PRAMEF14: variants seen among roughly 807,000 people sequenced by gnomAD.
The protein encoded by PRAMEF14 is PRAME family member 14.
In PRAMEF14, 24 loss-of-function variants were observed where a neutral mutation model predicts 38.3. That is an observed-to-expected ratio of 0.63 (90% CI 0.45 to 0.88). The LOEUF (loss-of-function observed/expected upper bound fraction) is 0.88. Ranked by LOEUF, PRAMEF14 falls within the 40% of genes least tolerant of loss-of-function variation. PRAMEF14 has a pLI of 0.00. For synonymous variants in PRAMEF14, 194 were observed against 226.4 expected (o/e 0.86, Z 1.29); for missense variants, 477 against 570.8 (o/e 0.84, Z 1.67).
Position 13,342,518 on chromosome 1 carries a change from C to A in PRAMEF14, c.*10G>T. On this transcript the variant is annotated 3_prime_UTR_variant, in exon 4 of 4. Transcript: ENST00000334600. Reference sequence around the variant, plus strand: ...CTTTGGATTTCTCTACCCCGCTAGGCACGCCTTCCCTAGCAGCAAAGATGG... The same window carrying A: ...CTTTGGATTTCTCTACCCCGCTAGGAACGCCTTCCCTAGCAGCAAAGATGG... 6.2e-7 allele frequency: 1 copy of A among 1,604,920 alleles called. No individual in the cohort carries two copies.
Position 13,347,037 on chromosome 1 carries a change from C to T in PRAMEF14, c.-26+20G>A, listed in dbSNP as rs1451978568. ...GGCTGCTGATCAGATGGGCATGACC[C>T]TAAGAAGGTGGTGACTTACCAGCGC... is the stretch of plus-strand genomic sequence containing the variant. On this transcript the variant is annotated intron_variant, in intron 1 of 3. Transcript: ENST00000334600. The T allele has an allele frequency of 6.7e-6, 1 of 150,204 alleles. No individual in the cohort carries two copies. Among genetic ancestry groups the T allele is most frequent in the African/African-American group, 2.4e-5 (1 of 41,120 alleles). 9.3% of individuals were successfully genotyped at this position (150,204 alleles called of 1,614,324 possible). A position where few individuals can be genotyped will look rare whatever the true frequency, so the allele number is the denominator to read the frequency against.
intron 1 of PRAMEF14, 155 bp from the exon 2 acceptor site, chr1:13,345,494 C>T (rs1640390077): frequency 2.6e-6 from 2 of 764,612 alleles, no homozygotes; most frequent in Non-Finnish European, 3.2e-6. Flanking sequence ...CCACTGAATC[C>T]CAGAACCACC....
chr1:13,342,798 G>C lies in PRAMEF14; in HGVS notation c.1155C>G (p.Gly385=). Residue 385 remains glycine, a synonymous_variant, in exon 4 of 4, where the codon GGC becomes GGG. Coordinates refer to ENST00000334600, the MANE Select transcript of PRAMEF14 (RefSeq NM_001024661.2). ...GGGCACCCATAGACATACAATTTCT[G>C]CCAAAGTAGAAGGTGGTGAGCTGGG... The part of the protein sequence containing the change: ...HCSQLTTFYF[G]RNCMSMGALK... 6.2e-7 allele frequency: 1 copy of C among 1,606,558 alleles called. No homozygotes were observed. The highest frequency in any genetic ancestry group is 1.7e-5 in the Admixed American group (1 of 59,848).
rs1640387390 is a variant in PRAMEF14 at position 13,345,303 on chromosome 1, C to T, written c.12G>A (p.Gln4=). 1 of 1,606,556 alleles carries T rather than the reference C, an allele frequency of 6.2e-7. No homozygotes were observed. Among genetic ancestry groups the T allele is most frequent in the African/African-American group, 1.3e-5 (1 of 74,678 alleles). The change falls in exon 2 of 4, where the codon CAG becomes CAA. Residue 4 remains glutamine, a synonymous_variant. Transcript: ENST00000334600. MSI[Q]APPRLLELAG... is the part of the protein sequence containing the mutation. ...CCAGCTCCAGGAGTCTGGGTGGGGC[C>T]TGGATGCTCATCCTGATAGATCTGC...
In PRAMEF14 at chr1:13,344,266, C is replaced by G; in HGVS notation, c.638G>C (p.Arg213Pro). ...YLNSIQQLEI[R>P]NMSWPRLIRK... ...TATCAGACGTGGCCAGGACATGTTG[C>G]GAATTTCCAGCTGTTGAATACTATT... The change falls in exon 3 of 4, where the codon CGC becomes CCC. Residue 213 changes from arginine to proline, a missense_variant. Arg to Pro is a moderately radical substitution (Grantham distance 103). Around this residue, in one of 4 missense-constraint regions of PRAMEF14, gnomAD observed 234 missense variants for 247.4 expected, o/e 0.95. Transcript: ENST00000334600. 1.9e-6 allele frequency: 3 copies of G among 1,602,562 alleles called. No homozygotes were observed. The highest frequency in any genetic ancestry group is 2.2e-5 in the South Asian group (2 of 90,406).
At position 13,343,014 on chromosome 1, in the gene PRAMEF14, G is replaced by A; in HGVS notation, c.939C>T (p.Leu313=). Residue 313 remains leucine, a synonymous_variant, in exon 4 of 4, where the codon CTC becomes CTT. Coordinates refer to ENST00000334600, the MANE Select transcript of PRAMEF14 (RefSeq NM_001024661.2). ...GGTAACCGAGGCTTGGGTACTGGGA[G>A]AGACACTTCATGTCTTCTTCCAATA... ...GYLLEEDMKC[L]SQYPSLGYLK... The A allele has an allele frequency of 6.2e-7, 1 of 1,612,014 alleles. No individual in the cohort carries two copies. Among genetic ancestry groups the A allele is most frequent in the Non-Finnish European group, 8.5e-7 (1 of 1,179,364 alleles).
In PRAMEF14 at chr1:13,345,331, G is replaced by A; in HGVS notation, c.-17C>T. The A allele has an allele frequency of 6.2e-7, 1 of 1,603,818 alleles. No homozygotes were observed. The highest frequency in any genetic ancestry group is 1.1e-5 in the South Asian group (1 of 90,404). ...GATGCTCATCCTGATAGATCTGCAA[G>A]AAAAATCTCTAGAAGACAAATCCAG... On this transcript the variant is annotated 5_prime_UTR_variant, in exon 2 of 4. Transcript: ENST00000334600.
At chr1:13,346,559 T>C (rs1287251152) in intron 1 of PRAMEF14, among the ~76,000 whole-genome samples, 1 of 149,552 alleles carries the variant, frequency 6.7e-6, no homozygotes, top group Non-Finnish European at 1.5e-5. Context: ...AACTCTGAGA[T>C]GAAGGTTCCT....
At position 13,343,632 on chromosome 1, in the gene PRAMEF14, C is replaced by T. The variant is rs1423025411; in HGVS notation, c.866+406G>A. The T allele has an allele frequency of 2.2e-4, 293 of 1,319,170 alleles. 3 individuals carry two copies. The highest frequency in any genetic ancestry group is 5.2e-4 in the Admixed American group (23 of 44,072). 81.7% of individuals were successfully genotyped at this position (1,319,170 alleles called of 1,614,324 possible). On this transcript the variant is annotated intron_variant, in intron 3 of 3. Coordinates refer to ENST00000334600, the MANE Select transcript of PRAMEF14 (RefSeq NM_001024661.2). ...ACAGGATCATTCGTGATCACTAAGC[C>T]GGTGAGGACAGACGTTCTATTGTGA... is the stretch of plus-strand genomic sequence containing the variant.
At position 13,344,331 on chromosome 1, in the gene PRAMEF14, C is replaced by A. The variant is rs1379898711; in HGVS notation, c.573G>T (p.Pro191=). 1 of 1,607,350 alleles carries A rather than the reference C, an allele frequency of 6.2e-7. No individual in the cohort carries two copies. Among genetic ancestry groups the A allele is most frequent in the Admixed American group, 1.7e-5 (1 of 59,754 alleles). ...TCAATGACTTTCTGAGATGTTTAAT[C>A]GGCGTTAGATAATTGACCAGCTTAC... ...CCSKLVNYLT[P]IKHLRKSLKI... Residue 191 remains proline (P), a synonymous_variant, in exon 3 of 4, where the codon CCG becomes CCT. Coordinates refer to ENST00000334600, the MANE Select transcript of PRAMEF14 (RefSeq NM_001024661.2).
At position 13,342,272 on chromosome 1, in the gene PRAMEF14, A is replaced by G; in HGVS notation, c.*256T>C. The G allele has an allele frequency of 1.6e-6, 1 of 610,790 alleles. No individual in the cohort carries two copies. Among genetic ancestry groups the G allele is most frequent in the South Asian group, 2.2e-5 (1 of 45,498 alleles). 37.8% of individuals were successfully genotyped at this position (610,790 alleles called of 1,614,324 possible). ...TTTAAGTTGCATGTGGCCTGGACAC[A>G]GTCACTCATGCCAGTAATCCCAGCA... On this transcript the variant is annotated 3_prime_UTR_variant, in exon 4 of 4. Coordinates refer to ENST00000334600, the MANE Select transcript of PRAMEF14 (RefSeq NM_001024661.2).
Position 13,345,357 on chromosome 1 carries a change from G to A in PRAMEF14, c.-25-18C>T, listed in dbSNP as rs1640388163. ...AAAAATCTCTAGAAGACAAATCCAG[G>A]GAAAATGTATCACTCTCATGGCAAA... is the stretch of plus-strand genomic sequence containing the variant. On this transcript the variant is annotated intron_variant, in intron 1 of 3. Transcript: ENST00000334600. 2 of 1,600,502 alleles carry A rather than the reference G, an allele frequency of 1.2e-6. No individual in the cohort carries two copies. The highest frequency in any genetic ancestry group is 1.1e-5 in the South Asian group (1 of 89,916).
Position 13,342,716 on chromosome 1 carries a change from G to A in PRAMEF14, c.1237C>T (p.Pro413Ser). 2 of 1,605,260 alleles carry A rather than the reference G, an allele frequency of 1.2e-6. No homozygotes were observed. The highest frequency in any genetic ancestry group is 2.7e-5 in the African/African-American group (2 of 74,724). Residue 413 changes from proline (P) to serine (S), a missense_variant, in exon 4 of 4, where the codon CCT becomes TCT. Coordinates refer to ENST00000334600, the MANE Select transcript of PRAMEF14 (RefSeq NM_001024661.2). ...GLSKLSLETYPAPEESLNSLV... is the reference protein window; with the variant it reads ...GLSKLSLETYSAPEESLNSLV... ...GAATTCAAACTCTCCTCAGGGGCAG[G>A]ATACGTCTCCAGGCTTAACTTGCTC...
chr1:13,344,902 C>A, intron 2 of PRAMEF14, 126 bp downstream of exon 2: 1 of 1,547,392 alleles, frequency 6.5e-7, no homozygotes, highest in Non-Finnish European at 8.8e-7. Flanking sequence ...CCAAAGTCTC[C>A]CTGATCTTCC....
At chr1:13,345,837 C>G (rs1640396060) in intron 1 of PRAMEF14, among the ~76,000 whole-genome samples, 1 of 151,856 alleles carries the variant, frequency 6.6e-6, no homozygotes, top group African/African-American at 2.4e-5. Context: ...AACGATGTCT[C>G]TACTAAATAC....
chr1:13,342,662 C>T lies in PRAMEF14; in HGVS notation c.1291G>A (p.Ala431Thr), dbSNP rs1553186840. 32 of 1,604,650 alleles carry T rather than the reference C, an allele frequency of 2.0e-5. 3 individuals carry two copies. The highest frequency in any genetic ancestry group is 2.3e-4 in the Middle Eastern group (1 of 4,442). The change falls in exon 4 of 4, where the codon GCC becomes ACC. Residue 431 changes from alanine to threonine, a missense_variant. By Grantham distance (58) the Ala-to-Thr change is moderately conservative. Transcript: ENST00000334600. Reference sequence around the variant, plus strand: ...CACATCAGCTCAGCCCGAAGTAGGGCGAAGATCTCCCAATCGACACGAACC... The same window carrying T: ...CACATCAGCTCAGCCCGAAGTAGGGTGAAGATCTCCCAATCGACACGAACC... ...SLVRVDWEIF[A>T]LLRAELMCTL...
rs1640382578 is a variant in PRAMEF14 at position 13,345,016 on chromosome 1, G to T, written c.287+12C>A. 1.4e-6 allele frequency: 2 copies of T among 1,474,118 alleles called. No individual in the cohort carries two copies. Among genetic ancestry groups the T allele is most frequent in the Admixed American group, 3.7e-5 (2 of 54,344 alleles). 91.3% of individuals were successfully genotyped at this position (1,474,118 alleles called of 1,614,324 possible). A position where few individuals can be genotyped will look rare whatever the true frequency, so the allele number is the denominator to read the frequency against. ...CTGAGCCCTATCTACCAGCCCTCCTGGGTCACCTCACCTGGGGCGATCCTT... is the reference window on the plus strand; with the variant it reads ...CTGAGCCCTATCTACCAGCCCTCCTTGGTCACCTCACCTGGGGCGATCCTT... On this transcript the variant is annotated intron_variant, in intron 2 of 3. Transcript: ENST00000334600.
In PRAMEF14 at chr1:13,343,165, C is replaced by A; in HGVS notation, c.867-79G>T. 4 of 1,076,976 alleles carry A rather than the reference C, an allele frequency of 3.7e-6. 1 individual carries two copies. Among genetic ancestry groups the A allele is most frequent in the East Asian group, 2.7e-5 (1 of 37,194 alleles). 66.7% of individuals were successfully genotyped at this position (1,076,976 alleles called of 1,614,324 possible). ...GTGCCTTCATCTAGGAAAATGCCTGCGTCAAACAAACACAAGTTTGTTCCC... is the reference window on the plus strand; with the variant it reads ...GTGCCTTCATCTAGGAAAATGCCTGAGTCAAACAAACACAAGTTTGTTCCC... On this transcript the variant is annotated intron_variant, in intron 3 of 3. Coordinates refer to ENST00000334600, the MANE Select transcript of PRAMEF14 (RefSeq NM_001024661.2).
At chr1:13,346,093 G>C (rs1308855524) in intron 1 of PRAMEF14, among the ~76,000 whole-genome samples, 4 of 151,006 alleles carry the variant, frequency 2.6e-5, no homozygotes, top group African/African-American at 9.7e-5. Context: ...CCAGCTCAGG[G>C]CCCTGCACTC....
Sources: allele counts gnomAD v4.1 joint callset (sites outside exome capture counted in the v4.1 genomes callset), GRCh38; gene constraint gnomAD v4.1.1; regional missense constraint gnomAD v4.1.1; transcripts MANE v1.5; gene names NCBI Gene and HGNC (gene_info 2026-07-23, HGNC 2026-07-21).